The following CD36 variants were observed in gnomAD, a reference collection of about 807,000 sequenced individuals.
CD36 encodes platelet glycoprotein 4.
In CD36, 119 loss-of-function variants were observed where a neutral mutation model predicts 55.2. The observed-to-expected ratio is 2.15, with a 90% CI of 1.86 to 2.51. The LOEUF is 2.51. Ranked by LOEUF, CD36 falls within the 30% of genes most tolerant of loss-of-function variation. The pLI is 0.00. For synonymous variants in CD36, 186 were observed against 193.6 expected, an observed-to-expected ratio of 0.96 and a Z score of 0.33; for missense variants, 819 against 555.5, an observed-to-expected ratio of 1.47 and a Z score of -4.77.
intron 1 of CD36, among the ~76,000 whole-genome samples, chr7:80,630,593 G>A (rs537051307): frequency 5.8e-4 from 88 of 151,986 alleles, no homozygotes; most frequent in African/African-American, 2.1e-3. Context: ...TTTTAATTTG[G>A]GATTCCAGAA....
intron 3 of CD36, chr7:80,647,095 A>G (rs922366935): frequency 6.5e-6 from 3 of 458,240 alleles, no homozygotes; most frequent in Admixed American, 6.7e-5. Context: ...ACCAAATTCT[A>G]TTAAAAGCTG....
At position 80,646,692 on chromosome 7, in the gene CD36, T is replaced by C; in HGVS notation, c.-49T>C. 2 of 1,612,218 alleles carry C rather than the reference T, an allele frequency of 1.2e-6. No individual in the cohort carries two copies. Among genetic ancestry groups the C allele is most frequent in the Non-Finnish European group, 1.7e-6 (2 of 1,178,752 alleles). On this transcript the variant is annotated 5_prime_UTR_variant, in exon 3 of 15. Coordinates refer to ENST00000447544, the MANE Select transcript of CD36 (RefSeq NM_001001548.3). Reference sequence around the variant, plus strand: ...AAACCACTTTAATCATATCCAGGAGTTTGCAAGAAACAGGTGCTTAACACT... The same window carrying C: ...AAACCACTTTAATCATATCCAGGAGCTTGCAAGAAACAGGTGCTTAACACT...
intron 1 of CD36, among the ~76,000 whole-genome samples, chr7:80,621,352 G>A (rs923483412): frequency 1.3e-5 from 2 of 151,976 alleles, no homozygotes; most frequent in Admixed American, 1.3e-4. Flanking sequence ...CTATATTCTG[G>A]GCATGTTTAC....
At chr7:80,654,269 T>C (rs1795844805) in intron 3 of CD36, among the ~76,000 whole-genome samples, 1 of 152,210 alleles carries the variant, frequency 6.6e-6, no homozygotes, top group Non-Finnish European at 1.5e-5. Context: ...TATAAGAGTT[T>C]GTTGAGTTTC....
intron 11 of CD36, 76 bp from the exon 12 acceptor site, chr7:80,672,694 G>C (rs1169579375): frequency 1.0e-6 from 1 of 1,000,406 alleles, no homozygotes; most frequent in Non-Finnish European, 1.5e-6. Flanking sequence ...CTCTTCTGCT[G>C]TAAGAAAAAT....
intron 1 of CD36, among the ~76,000 whole-genome samples, chr7:80,630,426 A>AT (rs1327390718): frequency 5.3e-5 from 8 of 152,092 alleles, no homozygotes; most frequent in Admixed American, 1.3e-4. Flanking sequence ...GAAAATTAAG[A>AT]TAAAAATGAG....
intron 3 of CD36, among the ~76,000 whole-genome samples, chr7:80,655,920 C>CA (rs111330088): frequency 0.035 from 3,371 of 95,340 alleles, 70 homozygotes; most frequent in Middle Eastern, 0.11. Context: ...TATCTTGTCT[C>CA]AAAAAAAAAA....
At chr7:80,672,689 C>CT in intron 11 of CD36, 81 bp from the exon 12 acceptor site, 1 of 941,928 alleles carries the variant, frequency 1.1e-6, no homozygotes, top group Admixed American at 2.0e-5. Context: ...ACCTTCTCTT[C>CT]TGCTGTAAGA....
At chr7:80,637,614 C>T (rs1794513936), upstream of CD36, among the ~76,000 whole-genome samples, 1 of 151,294 alleles carries the variant, frequency 6.6e-6, no homozygotes, top group Admixed American at 6.6e-5. Flanking sequence ...TGAAAGGATT[C>T]GTTGTGTGCC....
In CD36 at chr7:80,664,400, T is replaced by G; in HGVS notation, c.610-6T>G. On this transcript the variant is annotated splice_polypyrimidine_tract_variant and splice_region_variant and intron_variant, in intron 6 of 14. Coordinates refer to ENST00000447544, the MANE Select transcript of CD36 (RefSeq NM_001001548.3). ...GAAGTAACATTTTCCCATACATATA[T>G]TTCAGTACAACAATACTGCAGATGG... 7.0e-7 allele frequency: 1 copy of G among 1,424,302 alleles called. No individual in the cohort carries two copies. Among genetic ancestry groups the G allele is most frequent in the Admixed American group, 1.7e-5 (1 of 59,756 alleles). The allele number at this position is 1,424,302 out of a possible 1,614,324, so 88.2% of individuals were successfully genotyped here.
Position 80,671,917 on chromosome 7 carries a change from T to G in CD36, c.1007-5T>G, listed in dbSNP as rs1797710408. 5 of 1,610,856 alleles carry G rather than the reference T, an allele frequency of 3.1e-6. No individual in the cohort carries two copies. The highest frequency in any genetic ancestry group is 3.4e-6 in the Non-Finnish European group (4 of 1,177,792). On this transcript the variant is annotated splice_polypyrimidine_tract_variant and splice_region_variant and intron_variant, in intron 10 of 14. Transcript: ENST00000447544. ...TTCCAATTGACTCTTAAAACTTGTC[T>G]TCAGGGAGACCTGTGTACATTTCAC...
chr7:80,630,353 G>T (rs1169939368), intron 1 of CD36, among the ~76,000 whole-genome samples: 1 of 151,964 alleles, frequency 6.6e-6, no homozygotes, highest in Admixed American at 6.6e-5. Context: ...TTGTGGAATT[G>T]TATGAAGTTG....
intron 3 of CD36, among the ~76,000 whole-genome samples, chr7:80,654,034 G>A (rs537433992): frequency 2.0e-4 from 30 of 152,256 alleles, no homozygotes; most frequent in African/African-American, 7.0e-4. Context: ...AGATAGTCCT[G>A]ATTCTAACAG....
intron 1 of CD36, among the ~76,000 whole-genome samples, chr7:80,602,886 CTG>C (rs1294492913): frequency 6.6e-6 from 1 of 152,100 alleles, no homozygotes; most frequent in African/African-American, 2.4e-5. Context: ...TCATGGAACT[CTG>C]AAAATGTTTT....
intron 3 of CD36, among the ~76,000 whole-genome samples, chr7:80,655,881 A>G (rs1260913198): frequency 6.6e-6 from 1 of 151,138 alleles, no homozygotes; most frequent in African/African-American, 2.4e-5. Flanking sequence ...AGATTGTACC[A>G]CTGTACTCCA....
At chr7:80,669,655 C>T (rs1180773543) in intron 8 of CD36, among the ~76,000 whole-genome samples, 1 of 151,980 alleles carries the variant, frequency 6.6e-6, no homozygotes, top group Non-Finnish European at 1.5e-5. Flanking sequence ...ACCACCACAC[C>T]CAGCTAATTT....
At position 80,676,531 on chromosome 7, in the gene CD36, G is replaced by A. The variant is rs1307299635; in HGVS notation, c.*148G>A. ...ATCCGGGGGAAACACCATCATCCCAGTAGCTGCCCTATTCAACTGCAACAG... is the reference window on the plus strand; with the variant it reads ...ATCCGGGGGAAACACCATCATCCCAATAGCTGCCCTATTCAACTGCAACAG... On this transcript the variant is annotated 3_prime_UTR_variant, in exon 15 of 15. Coordinates refer to ENST00000447544, the MANE Select transcript of CD36 (RefSeq NM_001001548.3). The A allele has an allele frequency of 6.6e-6, 1 of 152,148 alleles. No homozygotes were observed. The highest frequency in any genetic ancestry group is 1.5e-5 in the Non-Finnish European group (1 of 68,060). The allele number at this position is 152,148 out of a possible 1,614,324, so 9.4% of individuals were successfully genotyped here. A position where few individuals can be genotyped will look rare whatever the true frequency, so the allele number is the denominator to read the frequency against.
Position 80,674,012 on chromosome 7 carries a change from CAT to C in CD36, c.1285_1286del (p.Met429ValfsTer124). ...TGTIGDEKAN[M>X]FRSQVTGKIN... ...GGACCATTGGTGATGAGAAGGCAAA[CAT>C]GTTCAGAAGTCAAGTAACTGGAAAA... On this transcript the variant is annotated frameshift_variant, in exon 14 of 15. Coordinates refer to ENST00000447544, the MANE Select transcript of CD36 (RefSeq NM_001001548.3). LOFTEE classifies it high-confidence loss of function. The C allele has an allele frequency of 6.2e-7, 1 of 1,611,994 alleles. No individual in the cohort carries two copies.
upstream of CD36, among the ~76,000 whole-genome samples, chr7:80,638,237 C>T (rs1050498766): frequency 1.6e-4 from 25 of 151,906 alleles, no homozygotes; most frequent in South Asian, 1.2e-3. Flanking sequence ...AAATAAGTTT[C>T]GCAAGCTCAG....
Sources: gnomAD v4.1 joint callset for allele counts (sites outside exome capture counted in the v4.1 genomes callset) on GRCh38, gnomAD v4.1.1 for gene constraint, MANE v1.5 for transcripts, NCBI Gene and HGNC (gene_info 2026-07-23, HGNC 2026-07-21) for gene names.